Variants in CSMD1 observed in about 807,000 individuals in gnomAD.
CSMD1 encodes the protein CUB and Sushi multiple domains 1.
In CSMD1, 213 loss-of-function variants were observed where a neutral mutation model predicts 417.5. The observed-to-expected ratio is 0.51, with a 90% confidence interval of 0.46 to 0.57. CSMD1 has a LOEUF of 0.57. Among genes scored for constraint, CSMD1 ranks in the 20% least tolerant of loss-of-function variants. The pLI is 0.00. For missense variants in CSMD1, 6,923 were observed against 4,529.7 expected (o/e 1.53, Z -15.17); for synonymous variants, 2,862 against 1,736.8 (o/e 1.65, Z -16.11).
At chr8:3,074,552 A>G (rs573677412) in intron 49 of CSMD1, among the ~76,000 whole-genome samples, 1 of 152,334 alleles carries the variant, frequency 6.6e-6, no homozygotes, top group East Asian at 1.9e-4. Context: ...TCAGTTTGAC[A>G]AGATAACCCA....
intron 2 of CSMD1, among the ~76,000 whole-genome samples, chr8:4,502,906 C>G (rs977700342): frequency 1.3e-5 from 2 of 152,074 alleles, no homozygotes; most frequent in Non-Finnish European, 2.9e-5. Flanking sequence ...CCAATTCCTT[C>G]TGGTGTCTTT....
intron 5 of CSMD1, among the ~76,000 whole-genome samples, chr8:3,991,816 G>T (rs1474236437): frequency 6.6e-6 from 1 of 152,130 alleles, no homozygotes; most frequent in Non-Finnish European, 1.5e-5. Context: ...TCTCCACACT[G>T]CCTCTTTGCT....
At chr8:4,108,291 G>C (rs1005008146) in intron 3 of CSMD1, among the ~76,000 whole-genome samples, 2 of 152,140 alleles carry the variant, frequency 1.3e-5, no homozygotes, top group African/African-American at 4.8e-5. Context: ...TCTCTGGGAA[G>C]CCAGTAAACT....
intron 23 of CSMD1, among the ~76,000 whole-genome samples, chr8:3,339,840 G>C (rs970582375): frequency 2.0e-5 from 3 of 152,090 alleles, no homozygotes; most frequent in Non-Finnish European, 4.4e-5. Flanking sequence ...ATGGGTTATG[G>C]CTCCATTGGA....
intron 6 of CSMD1, among the ~76,000 whole-genome samples, chr8:3,749,967 G>C (rs976266871): frequency 6.6e-5 from 10 of 152,050 alleles, no homozygotes; most frequent in African/African-American, 1.9e-4. Context: ...CAGCTTGATG[G>C]TAAAACAGTT....
chr8:4,020,773 A>G (rs1205236675), intron 4 of CSMD1, among the ~76,000 whole-genome samples: 1 of 152,228 alleles, frequency 6.6e-6, no homozygotes, highest in African/African-American at 2.4e-5. Flanking sequence ...CAACCTTGAG[A>G]TAAGGTCTGA....
Position 4,209,931 on chromosome 8 carries a change from G to A in CSMD1, c.416-177832C>T, listed in dbSNP as rs188344001. On this transcript the variant is annotated intron_variant, in intron 3 of 69. Coordinates refer to ENST00000635120, the MANE Select transcript of CSMD1 (RefSeq NM_033225.6). ...CCATGGAAAGCGGTGACCACGTCTG[G>A]GTGTTGCTATGACAATGGTAAACTG... is the stretch of plus-strand genomic sequence containing the variant. Among the ~76,000 whole-genome samples the A allele has an allele frequency of 2.4e-3, 372 of 152,248 alleles. 2 individuals are homozygous for A. Among genetic ancestry groups the A allele is most frequent in the African/African-American group, 8.2e-3 (342 of 41,526 alleles).
intron 5 of CSMD1, among the ~76,000 whole-genome samples, chr8:3,769,670 C>CTA (rs755219314): frequency 1.0e-3 from 156 of 151,998 alleles, no homozygotes; most frequent in African/African-American, 2.9e-3. Flanking sequence ...CTTTGTATAT[C>CTA]TATATATATA....
chr8:4,804,696 T>C (rs754225083), intron 1 of CSMD1, among the ~76,000 whole-genome samples: 4 of 152,222 alleles, frequency 2.6e-5, no homozygotes, highest in Admixed American at 2.6e-4. Context: ...ACCAATATTA[T>C]GTTCATACAT....
intron 1 of CSMD1, among the ~76,000 whole-genome samples, chr8:4,843,140 C>G (rs1800935978): frequency 6.6e-6 from 1 of 152,118 alleles, no homozygotes; most frequent in South Asian, 2.1e-4. Context: ...CAAACATGCC[C>G]AAGGGTACAC....
At chr8:4,589,905 C>T (rs1169720519) in intron 2 of CSMD1, among the ~76,000 whole-genome samples, 1 of 152,128 alleles carries the variant, frequency 6.6e-6, no homozygotes, top group Non-Finnish European at 1.5e-5. Context: ...CTTCTGACAC[C>T]ATAGAATATG....
rs756837798 is a variant in CSMD1, at chr8:4,371,329, G to A, written c.415+48624C>T. On this transcript the variant is annotated intron_variant, in intron 3 of 69. Transcript: ENST00000635120. The stretch of plus-strand genomic sequence containing the variant: ...AGATACTCACAGACTACTGGCAACA[G>A]GCAAGTTAAAGTTTTAAATGCAGGG... 2.0e-5 allele frequency among the ~76,000 whole-genome samples: 3 copies of A among 152,104 alleles called. No homozygotes were observed. In the East Asian group the frequency reaches 5.8e-4, roughly 29 times the overall value.
chr8:4,233,870 A>T (rs528637668), intron 3 of CSMD1, among the ~76,000 whole-genome samples: 3 of 151,450 alleles, frequency 2.0e-5, no homozygotes, highest in Non-Finnish European at 4.4e-5. Flanking sequence ...AATCCTGAGA[A>T]TTTCAAGCGG....
At chr8:4,029,015 T>C (rs900118684) in intron 4 of CSMD1, among the ~76,000 whole-genome samples, 1 of 152,174 alleles carries the variant, frequency 6.6e-6, no homozygotes, top group African/African-American at 2.4e-5. Flanking sequence ...ACAACGGCAC[T>C]TGGGAGAGGG....
chr8:3,264,708 A>G (rs900959458), intron 26 of CSMD1, among the ~76,000 whole-genome samples: 1 of 152,210 alleles, frequency 6.6e-6, no homozygotes, highest in Non-Finnish European at 1.5e-5. Context: ...ATTTAACTTA[A>G]TTAACTAGGA....
At chr8:4,630,308 T>G (rs986966278) in intron 2 of CSMD1, among the ~76,000 whole-genome samples, 7 of 147,828 alleles carry the variant, frequency 4.7e-5, no homozygotes, top group African/African-American at 1.8e-4. Flanking sequence ...ACACACACTC[T>G]CACAGTTGTT....
chr8:3,503,945 G>T (rs1796716348), intron 10 of CSMD1, among the ~76,000 whole-genome samples: 1 of 151,992 alleles, frequency 6.6e-6, no homozygotes, highest in Non-Finnish European at 1.5e-5. Context: ...TGGAGGCGGG[G>T]GTTAGGGCGT....
intron 1 of CSMD1, among the ~76,000 whole-genome samples, chr8:4,692,499 A>C (rs534717684): frequency 6.6e-6 from 1 of 152,238 alleles, no homozygotes; most frequent in African/African-American, 2.4e-5. Flanking sequence ...TGATAAAAAG[A>C]AAATATCTAA....
intron 5 of CSMD1, among the ~76,000 whole-genome samples, chr8:3,955,877 T>C (rs1014271335): frequency 6.6e-6 from 1 of 152,222 alleles, no homozygotes; most frequent in Non-Finnish European, 1.5e-5. Context: ...CTGGGTGCAA[T>C]GGCACGATCT....
Sources: allele counts gnomAD v4.1 joint callset (sites outside exome capture counted in the v4.1 genomes callset), GRCh38; gene constraint gnomAD v4.1.1; transcripts MANE v1.5; gene names NCBI Gene and HGNC (gene_info 2026-07-23, HGNC 2026-07-21).